ATP10A: variants seen among roughly 807,000 people sequenced by gnomAD.
The protein encoded by ATP10A is phospholipid-transporting ATPase VA.
Under a neutral mutation model 147.8 loss-of-function variants are expected in ATP10A, and 111 were observed. The observed-to-expected ratio is 0.75, with a 90% CI of 0.64 to 0.88. ATP10A has a LOEUF of 0.88. Ranked by LOEUF, ATP10A falls within the 40% of genes least tolerant of loss-of-function variation. The probability of loss-of-function intolerance (pLI) is 0.00; values close to 1 mark genes in which losing one functional copy is unlikely to be tolerated. For synonymous variants in ATP10A, 875 were observed against 841.6 expected, an observed-to-expected ratio of 1.04 and a Z score of -0.69; for missense variants, 1,927 against 1,959.0, an observed-to-expected ratio of 0.98 and a Z score of 0.31.
At chr15:25,703,287 G>A (rs1413204561) in intron 12 of ATP10A, among the ~76,000 whole-genome samples, 1 of 152,146 alleles carries the variant, frequency 6.6e-6, no homozygotes, top group Non-Finnish European at 1.5e-5. Flanking sequence ...CCCAGGAGGT[G>A]GAGGTTGCAG....
intron 1 of ATP10A, among the ~76,000 whole-genome samples, chr15:25,852,366 G>A (rs1719647475): frequency 1.3e-5 from 2 of 152,152 alleles, no homozygotes; most frequent in Admixed American, 6.5e-5. Context: ...CTGGGATGAA[G>A]AGAAATGCAT....
chr15:25,785,497 C>T (rs551256897), intron 1 of ATP10A, among the ~76,000 whole-genome samples: 3 of 152,266 alleles, frequency 2.0e-5, no homozygotes, highest in South Asian at 4.1e-4. Flanking sequence ...CCTGAGCTGA[C>T]GAATACACTT....
chr15:25,751,179 TCAGA>T (rs947281702), intron 2 of ATP10A, among the ~76,000 whole-genome samples: 2 of 152,112 alleles, frequency 1.3e-5, no homozygotes, highest in Non-Finnish European at 2.9e-5. Flanking sequence ...TATATTGCTA[TCAGA>T]CAAAGTAAGT....
At chr15:25,821,791 A>C (rs1381145891) in intron 1 of ATP10A, among the ~76,000 whole-genome samples, 1 of 152,238 alleles carries the variant, frequency 6.6e-6, no homozygotes, top group African/African-American at 2.4e-5. Flanking sequence ...AACATGGGAC[A>C]CAAAACTACA....
chr15:25,703,132 C>T (rs1293832384), intron 12 of ATP10A, among the ~76,000 whole-genome samples: 3 of 152,098 alleles, frequency 2.0e-5, no homozygotes, highest in Non-Finnish European at 2.9e-5. Context: ...CCGTGGCGGG[C>T]GGGTCACTTG....
chr15:25,863,203 C>T lies in ATP10A; in HGVS notation c.-107G>A. The T allele has an allele frequency of 1.3e-6, 1 of 789,994 alleles. No individual in the cohort carries two copies. Among genetic ancestry groups the T allele is most frequent in the African/African-American group, 1.9e-5 (1 of 53,608 alleles). 48.9% of individuals were successfully genotyped at this position (789,994 alleles called of 1,614,324 possible). On this transcript the variant is annotated 5_prime_UTR_variant, in exon 1 of 21. Transcript: ENST00000555815. ...GGGCGCGGCGGTGCGAGCTCCCCGC[C>T]TGCGGGACGCACGGAGACCGCGGTC... is the stretch of plus-strand genomic sequence containing the variant.
Position 25,807,231 on chromosome 15 carries a change from C to G in ATP10A, c.450-26008G>C, listed in dbSNP as rs1891227235. Among the ~76,000 whole-genome samples, 3 of 152,328 alleles carry G rather than the reference C, an allele frequency of 2.0e-5. No homozygotes were observed. In the South Asian group the frequency reaches 6.2e-4, roughly 32 times the overall value. ...CTCCTACCTGGAGCACCACTGGCTG[C>G]TCGACCCTGTCCTGAGCACCCCACC... is the stretch of plus-strand genomic sequence containing the variant. On this transcript the variant is annotated intron_variant, in intron 1 of 20. Coordinates refer to ENST00000555815, the MANE Select transcript of ATP10A (RefSeq NM_024490.4).
chr15:25,786,590 C>T (rs943394921), intron 1 of ATP10A, among the ~76,000 whole-genome samples: 22 of 149,688 alleles, frequency 1.5e-4, no homozygotes, highest in Non-Finnish European at 2.8e-4. Flanking sequence ...CGCTAAATTC[C>T]TCTCAGCATT....
chr15:25,738,260 T>A (rs1053368371), intron 2 of ATP10A, among the ~76,000 whole-genome samples: 2 of 152,186 alleles, frequency 1.3e-5, no homozygotes, highest in African/African-American at 4.8e-5. Flanking sequence ...GTCAGACTTG[T>A]CAACCTGCCC....
intron 1 of ATP10A, among the ~76,000 whole-genome samples, chr15:25,832,981 CTTTT>C (rs202037774): frequency 1.6e-5 from 2 of 124,212 alleles, no homozygotes; most frequent in Non-Finnish European, 1.7e-5. Context: ...CTATTTTATT[CTTTT>C]TTTTTTTTTT....
chr15:25,774,212 G>C (rs1245519268), intron 2 of ATP10A, among the ~76,000 whole-genome samples: 1 of 152,042 alleles, frequency 6.6e-6, no homozygotes, highest in African/African-American at 2.4e-5. Context: ...CACAATATAA[G>C]AAGATCTTTT....
rs1032225277 is a variant in ATP10A at position 25,759,817 on chromosome 15, T to A, written c.654+21202A>T. On this transcript the variant is annotated intron_variant, in intron 2 of 20. Transcript: ENST00000555815. Reference sequence around the variant, plus strand: ...ACCCTGTCTCAAAAAAAAAAAAAAATAGTGAAAAGTTTTTCTTTACCTTTT... The same window carrying A: ...ACCCTGTCTCAAAAAAAAAAAAAAAAAGTGAAAAGTTTTTCTTTACCTTTT... 9.6e-4 allele frequency among the ~76,000 whole-genome samples: 134 copies of A among 139,446 alleles called. 2 individuals carry two copies. The East Asian group carries it at 0.018, about 19-fold the overall frequency. 91.5% of individuals were successfully genotyped at this position (139,446 alleles called of 152,430 possible). A position where few individuals can be genotyped will look rare whatever the true frequency, so the allele number is the denominator to read the frequency against.
chr15:25,792,491 T>C (rs950526994), intron 1 of ATP10A, among the ~76,000 whole-genome samples: 1 of 152,184 alleles, frequency 6.6e-6, no homozygotes, highest in South Asian at 2.1e-4. Context: ...TCATTTGTCA[T>C]AGAAAAGGGG....
chr15:25,721,607 G>A, intron 7 of ATP10A, 50 bp downstream of exon 7: 1 of 1,575,310 alleles, frequency 6.3e-7, no homozygotes, highest in East Asian at 2.2e-5. Context: ...TCTGGATAGG[G>A]CAGCTTTCTG....
chr15:25,677,970 G>A (rs1899172860), downstream of ATP10A: 1 of 152,226 alleles, frequency 6.6e-6, no homozygotes, highest in Non-Finnish European at 1.5e-5. Flanking sequence ...GAATAGTGAT[G>A]CATGGATAAG....
intron 2 of ATP10A, among the ~76,000 whole-genome samples, chr15:25,768,708 T>G (rs1359764695): frequency 9.4e-6 from 1 of 106,072 alleles, no homozygotes; most frequent in Non-Finnish European, 2.1e-5. Context: ...TTTTTTTTTT[T>G]GGTAGCAATA....
chr15:25,819,315 G>A (rs61991548), intron 1 of ATP10A, among the ~76,000 whole-genome samples: 56,850 of 152,044 alleles, frequency 0.37, 12,370 homozygotes, highest in African/African-American at 0.61. Context: ...CAACAAGCAA[G>A]TGAAAAATGC....
chr15:25,704,609 C>A (rs555454907), intron 12 of ATP10A, among the ~76,000 whole-genome samples: 1 of 152,360 alleles, frequency 6.6e-6, no homozygotes, highest in South Asian at 2.1e-4. Flanking sequence ...GGTCACCCCA[C>A]CAACACTCAC....
chr15:25,801,564 CAA>C (rs1890942257), intron 1 of ATP10A, among the ~76,000 whole-genome samples: 1 of 152,200 alleles, frequency 6.6e-6, no homozygotes, highest in African/African-American at 2.4e-5. Flanking sequence ...CACTCCTGGT[CAA>C]CTCTTGGGCA....
Sources: gnomAD v4.1 joint callset for allele counts (sites outside exome capture counted in the v4.1 genomes callset) on GRCh38, gnomAD v4.1.1 for gene constraint, MANE v1.5 for transcripts, NCBI Gene and HGNC (gene_info 2026-07-23, HGNC 2026-07-21) for gene names.